Variants in SOX5 observed in about 807,000 individuals in gnomAD.
SOX5 encodes the protein transcription factor SOX-5.
SOX5 carries 9 observed loss-of-function variants against 92.0 expected under a neutral mutation model. That is an observed-to-expected ratio of 0.10 (90% confidence interval 0.06 to 0.17). The LOEUF is 0.17. Among genes scored for constraint, SOX5 ranks in the 10% least tolerant of loss-of-function variants. The pLI, the probability that SOX5 is intolerant of heterozygous loss-of-function variation, is 1.00. For missense variants in SOX5, 642 were observed against 944.5 expected (o/e 0.68, Z 4.20); for synonymous variants, 344 against 336.3 (o/e 1.02, Z -0.25).
intron 1 of SOX5, among the ~76,000 whole-genome samples, chr12:24,467,079 G>A (rs1341634289): frequency 6.6e-6 from 1 of 152,140 alleles, no homozygotes; most frequent in African/African-American, 2.4e-5. Flanking sequence ...AAGATAAAGA[G>A]CTGGCCTTCA....
intron 11 of SOX5, among the ~76,000 whole-genome samples, chr12:23,549,451 A>G (rs1943761724): frequency 6.6e-6 from 1 of 151,938 alleles, no homozygotes; most frequent in Non-Finnish European, 1.5e-5. Context: ...CCATTCCCCC[A>G]TTTAAAGGTC....
intron 4 of SOX5, among the ~76,000 whole-genome samples, chr12:24,017,236 T>A (rs945859407): frequency 6.6e-6 from 1 of 152,214 alleles, no homozygotes; most frequent in African/African-American, 2.4e-5. Flanking sequence ...GAAGCTCCCA[T>A]CCTGACTTAA....
At chr12:23,911,937 A>T (rs1302187593) in intron 1 of SOX5, among the ~76,000 whole-genome samples, 1 of 152,186 alleles carries the variant, frequency 6.6e-6, no homozygotes, top group Non-Finnish European at 1.5e-5. Context: ...ACAAAAGAAC[A>T]AAACAGATAC....
intron 2 of SOX5, among the ~76,000 whole-genome samples, chr12:23,856,277 C>T (rs1022705354): frequency 6.6e-6 from 1 of 152,070 alleles, no homozygotes; most frequent in Non-Finnish European, 1.5e-5. Flanking sequence ...CAATGCTATA[C>T]ACAGATTTTG....
At chr12:24,417,651 C>A (rs1027558316) in intron 1 of SOX5, among the ~76,000 whole-genome samples, 2 of 152,162 alleles carry the variant, frequency 1.3e-5, no homozygotes, top group African/African-American at 4.8e-5. Context: ...GAAGAAAGAC[C>A]TTCAGGCAGA....
intron 2 of SOX5, among the ~76,000 whole-genome samples, chr12:23,894,297 G>A (rs964094736): frequency 6.6e-6 from 1 of 151,818 alleles, no homozygotes; most frequent in African/African-American, 2.4e-5. Context: ...GTGCGATCTC[G>A]GCTCACTGCA....
At chr12:23,880,888 T>A (rs1455514897) in intron 2 of SOX5, among the ~76,000 whole-genome samples, 2 of 152,252 alleles carry the variant, frequency 1.3e-5, no homozygotes, top group African/African-American at 4.8e-5. Context: ...TTAATTCTGA[T>A]ATATAAACAT....
At chr12:23,874,809 A>T (rs2096910033) in intron 2 of SOX5, among the ~76,000 whole-genome samples, 1 of 152,130 alleles carries the variant, frequency 6.6e-6, no homozygotes, top group South Asian at 2.1e-4. Flanking sequence ...AATCATGAAA[A>T]ACTACCACGA....
At chr12:24,476,051 G>A (rs1945346678) in intron 1 of SOX5, among the ~76,000 whole-genome samples, 1 of 151,788 alleles carries the variant, frequency 6.6e-6, no homozygotes, top group South Asian at 2.1e-4. Context: ...TCCTTGGAGG[G>A]AAAGCCAGTG....
At chr12:23,570,930 AAT>A (rs1164831816) in intron 10 of SOX5, among the ~76,000 whole-genome samples, 20 of 19,934 alleles carry the variant, frequency 1.0e-3, no homozygotes, top group African/African-American at 3.8e-3. Context: ...AAAAAAAAAA[AAT>A]ATATATATAT....
At chr12:24,227,093 C>G (rs1962219642) in intron 3 of SOX5, 1 of 152,242 alleles carries the variant, frequency 6.6e-6, no homozygotes, top group Admixed American at 6.5e-5. Context: ...AGGGTGCATC[C>G]TGGTTTGTGG....
intron 1 of SOX5, among the ~76,000 whole-genome samples, chr12:24,473,263 A>C (rs945651021): frequency 1.3e-5 from 2 of 152,234 alleles, no homozygotes; most frequent in African/African-American, 2.4e-5. Flanking sequence ...AGAGGAAAAA[A>C]AAAAGCTCTC....
intron 9 of SOX5, among the ~76,000 whole-genome samples, chr12:23,597,166 G>T (rs1952612853): frequency 6.6e-6 from 1 of 152,180 alleles, no homozygotes; most frequent in Non-Finnish European, 1.5e-5. Flanking sequence ...ACCATGCTGT[G>T]TGCATGAGAC....
At chr12:24,471,501 A>T (rs1566248375) in intron 1 of SOX5, among the ~76,000 whole-genome samples, 1 of 152,200 alleles carries the variant, frequency 6.6e-6, no homozygotes, top group Non-Finnish European at 1.5e-5. Context: ...ACTGTAGATG[A>T]TAAAGATGTA....
chr12:23,952,775 G>C (rs1045389970), upstream of SOX5, among the ~76,000 whole-genome samples: 5 of 152,128 alleles, frequency 3.3e-5, no homozygotes, highest in African/African-American at 1.2e-4. Flanking sequence ...TTAGCTCATG[G>C]ATCTTACAGA....
intron 4 of SOX5, among the ~76,000 whole-genome samples, chr12:24,068,270 C>T (rs567211092): frequency 6.6e-5 from 10 of 152,190 alleles, no homozygotes; most frequent in African/African-American, 2.2e-4. Flanking sequence ...ATTAGAGATT[C>T]GAGGCCAGTA....
At chr12:24,001,666 A>T (rs1331492877) in intron 4 of SOX5, among the ~76,000 whole-genome samples, 1 of 149,076 alleles carries the variant, frequency 6.7e-6, no homozygotes, top group Admixed American at 6.8e-5. Context: ...AAAAAATTTT[A>T]AAAATGCATT....
At chr12:24,208,309 A>G (rs1464023741) in intron 4 of SOX5, among the ~76,000 whole-genome samples, 1 of 152,204 alleles carries the variant, frequency 6.6e-6, no homozygotes, top group Non-Finnish European at 1.5e-5. Flanking sequence ...TTCCCAAGAC[A>G]AACAAAAAGT....
intron 4 of SOX5, among the ~76,000 whole-genome samples, chr12:24,102,397 A>T (rs1256496702): frequency 6.6e-6 from 1 of 152,222 alleles, no homozygotes; most frequent in African/African-American, 2.4e-5. Context: ...TTCAGCCGAC[A>T]GCAGCATGAG....
Sources: gnomAD v4.1 joint callset for allele counts (sites outside exome capture counted in the v4.1 genomes callset) on GRCh38, gnomAD v4.1.1 for gene constraint, MANE v1.5 for transcripts, NCBI Gene and HGNC (gene_info 2026-07-23, HGNC 2026-07-21) for gene names.